The following OSBPL10 variants were observed in gnomAD, a reference collection of about 807,000 sequenced individuals.
OSBPL10 encodes oxysterol-binding protein-related protein 10.
A neutral mutation model predicts 81.7 loss-of-function variants in OSBPL10; 49 were observed. That is an observed-to-expected ratio of 0.60 (90% confidence interval 0.48 to 0.76). The LOEUF (loss-of-function observed/expected upper bound fraction) is 0.76. Ranked by LOEUF, OSBPL10 falls within the 30% of genes least tolerant of loss-of-function variation. The probability of loss-of-function intolerance (pLI) is 0.00; values close to 1 mark genes in which losing one functional copy is unlikely to be tolerated. For synonymous variants in OSBPL10, 419 were observed against 383.6 expected, an observed-to-expected ratio of 1.09 and a Z score of -1.08; for missense variants, 923 against 987.8, an observed-to-expected ratio of 0.93 and a Z score of 0.88.
intron 3 of OSBPL10, among the ~76,000 whole-genome samples, chr3:31,856,298 T>C (rs1004307445): frequency 1.3e-5 from 2 of 152,324 alleles, no homozygotes; most frequent in East Asian, 3.9e-4. Flanking sequence ...TAAAAGCTGT[T>C]CTTAAATTGT....
At chr3:31,676,163 G>A (rs148359154) in intron 8 of OSBPL10, among the ~76,000 whole-genome samples, 90 of 152,158 alleles carry the variant, frequency 5.9e-4, no homozygotes, top group African/African-American at 2.1e-3. Flanking sequence ...AAACTGATTT[G>A]AAGGCACTGG....
At chr3:31,869,874 A>T (rs1242245156) in intron 3 of OSBPL10, among the ~76,000 whole-genome samples, 1 of 152,236 alleles carries the variant, frequency 6.6e-6, no homozygotes, top group Admixed American at 6.5e-5. Flanking sequence ...ATAAAGTATT[A>T]ATTATCATTA....
chr3:31,969,164 C>T (rs181279557), intron 1 of OSBPL10, among the ~76,000 whole-genome samples: 11 of 152,302 alleles, frequency 7.2e-5, no homozygotes, highest in South Asian at 4.1e-4. Context: ...ATTCCGCAAA[C>T]GCATGATCCT....
intron 3 of OSBPL10, among the ~76,000 whole-genome samples, chr3:31,845,485 A>C (rs73061417): frequency 6.6e-6 from 1 of 152,104 alleles, no homozygotes; most frequent in Admixed American, 6.6e-5. Flanking sequence ...TCTTTCCTCT[A>C]TTTTCCACAT....
intron 6 of OSBPL10, among the ~76,000 whole-genome samples, chr3:31,723,224 G>A (rs961744012): frequency 6.6e-6 from 1 of 152,198 alleles, no homozygotes; most frequent in African/African-American, 2.4e-5. Flanking sequence ...GAAAAGGATG[G>A]AGATTGGGAG....
chr3:31,970,584 G>C (rs1405189763), intron 1 of OSBPL10, among the ~76,000 whole-genome samples: 1 of 152,216 alleles, frequency 6.6e-6, no homozygotes, highest in Non-Finnish European at 1.5e-5. Context: ...CATGCATCCA[G>C]CTAAAAACTG....
chr3:31,811,084 CA>C (rs1234877358), intron 4 of OSBPL10, among the ~76,000 whole-genome samples: 4 of 150,938 alleles, frequency 2.7e-5, no homozygotes, highest in African/African-American at 9.7e-5. Context: ...AAGCAAGAGT[CA>C]AAACAGGAAA....
intron 8 of OSBPL10, among the ~76,000 whole-genome samples, chr3:31,672,692 A>T (rs7653629): frequency 0.011 from 1,605 of 152,214 alleles, 36 homozygotes; most frequent in African/African-American, 0.037. Context: ...TTCTCAGTTA[A>T]GTCCATTAAA....
chr3:31,899,287 G>T lies in OSBPL10; in HGVS notation c.282-19457C>A, dbSNP rs114039390. Among the ~76,000 whole-genome samples the T allele has an allele frequency of 7.9e-3, 1,195 of 151,722 alleles. 17 individuals are homozygous for T. Among genetic ancestry groups the T allele is most frequent in the African/African-American group, 0.027 (1,106 of 41,372 alleles). On this transcript the variant is annotated intron_variant, in intron 1 of 11. Coordinates refer to ENST00000396556, the MANE Select transcript of OSBPL10 (RefSeq NM_017784.5). ...TAATATGGATGGTAAAGTTTCAAGGGAAACCAATAGAAAATATAGTGCATA... is the reference window on the plus strand; with the variant it reads ...TAATATGGATGGTAAAGTTTCAAGGTAAACCAATAGAAAATATAGTGCATA...
intron 3 of OSBPL10, among the ~76,000 whole-genome samples, chr3:31,861,531 T>C (rs746432201): frequency 3.9e-5 from 6 of 152,176 alleles, no homozygotes; most frequent in Non-Finnish European, 8.8e-5. Flanking sequence ...AACCCACAGA[T>C]ACAGATGACT....
intron 1 of OSBPL10, among the ~76,000 whole-genome samples, chr3:31,979,827 C>A (rs1698780822): frequency 6.6e-6 from 1 of 152,000 alleles, no homozygotes; most frequent in African/African-American, 2.4e-5. Context: ...CCCCTTTCCT[C>A]GACAGCCCCA....
chr3:32,057,611 C>A (rs1699722382), intron 1 of OSBPL10, among the ~76,000 whole-genome samples: 1 of 152,206 alleles, frequency 6.6e-6, no homozygotes, highest in East Asian at 1.9e-4. Flanking sequence ...ACCATCAGAT[C>A]TCATGAGAAC....
chr3:31,953,646 T>C (rs1173576734), intron 1 of OSBPL10, among the ~76,000 whole-genome samples: 1 of 152,210 alleles, frequency 6.6e-6, no homozygotes, highest in Non-Finnish European at 1.5e-5. Context: ...GCTCAAGCAA[T>C]CTGCCAGCCT....
chr3:31,808,715 A>G (rs915168562), intron 4 of OSBPL10, among the ~76,000 whole-genome samples: 2 of 152,268 alleles, frequency 1.3e-5, no homozygotes, highest in South Asian at 2.1e-4. Flanking sequence ...AACTAAATTC[A>G]TCACATTATT....
At chr3:31,952,932 T>A (rs1285046505) in intron 1 of OSBPL10, among the ~76,000 whole-genome samples, 2 of 145,076 alleles carry the variant, frequency 1.4e-5, no homozygotes, top group East Asian at 4.0e-4. Context: ...CTTCCTACTT[T>A]TTTTTTTTTT....
intron 6 of OSBPL10, among the ~76,000 whole-genome samples, chr3:31,727,364 T>A (rs1322428675): frequency 1.3e-5 from 2 of 151,464 alleles, no homozygotes; most frequent in Non-Finnish European, 2.9e-5. Flanking sequence ...TATTCTAAGA[T>A]TTAGTGAATC....
At chr3:31,770,840 A>G (rs1411067189) in intron 4 of OSBPL10, among the ~76,000 whole-genome samples, 1 of 152,178 alleles carries the variant, frequency 6.6e-6, no homozygotes, top group Non-Finnish European at 1.5e-5. Flanking sequence ...AACTAACAAT[A>G]CATAATAAAA....
At chr3:31,671,606 C>G (rs1700325405) in intron 8 of OSBPL10, among the ~76,000 whole-genome samples, 2 of 152,182 alleles carry the variant, frequency 1.3e-5, no homozygotes, top group Non-Finnish European at 2.9e-5. Flanking sequence ...TCAGGCTGTA[C>G]AGCTGCTGTC....
chr3:31,774,655 G>A (rs1187567283), intron 4 of OSBPL10, among the ~76,000 whole-genome samples: 1 of 151,634 alleles, frequency 6.6e-6, no homozygotes, highest in African/African-American at 2.4e-5. Context: ...TGGGATTACA[G>A]GCACCCACCA....
Sources: allele counts gnomAD v4.1 joint callset (sites outside exome capture counted in the v4.1 genomes callset), GRCh38; gene constraint gnomAD v4.1.1; transcripts MANE v1.5; gene names NCBI Gene and HGNC (gene_info 2026-07-23, HGNC 2026-07-21).